Variants in PRELID2 observed in about 807,000 individuals in gnomAD.
PRELID2 encodes the protein PRELI domain-containing protein 2.
PRELID2 carries 25 observed loss-of-function variants against 28.4 expected under a neutral mutation model. The ratio of observed to expected loss-of-function variants is 0.88; its 90% CI spans 0.64 to 1.23. The LOEUF is 1.23. Ranked by LOEUF, PRELID2 falls within the 50% of genes most tolerant of loss-of-function variation. The probability of loss-of-function intolerance (pLI) is 0.00; values close to 1 mark genes in which losing one functional copy is unlikely to be tolerated. For missense variants in PRELID2, 201 were observed against 214.4 expected (o/e 0.94, Z 0.39); for synonymous variants, 76 against 71.6 (o/e 1.06, Z -0.31).
intron 1 of PRELID2, among the ~76,000 whole-genome samples, chr5:145,735,563 AAAG>A (rs1433008695): frequency 4.6e-5 from 7 of 152,186 alleles, no homozygotes; most frequent in Admixed American, 3.3e-4. Flanking sequence ...AAAGAAAAAG[AAAG>A]AAGTATAAAG....
At chr5:145,659,018 G>A (rs1331521025) in intron 1 of PRELID2, among the ~76,000 whole-genome samples, 4 of 152,188 alleles carry the variant, frequency 2.6e-5, no homozygotes. Flanking sequence ...AAGGCAGAAA[G>A]AGTTCAGCAC....
intron 1 of PRELID2, among the ~76,000 whole-genome samples, chr5:145,527,012 G>A (rs1380705988): frequency 1.3e-5 from 2 of 152,178 alleles, no homozygotes; most frequent in Non-Finnish European, 2.9e-5. Flanking sequence ...ACCAGATGGT[G>A]CAGCCAGGGC....
At chr5:145,752,458 A>T (rs1319563261), downstream of PRELID2, among the ~76,000 whole-genome samples, 1 of 152,184 alleles carries the variant, frequency 6.6e-6, no homozygotes, top group East Asian at 1.9e-4. Context: ...ATGTCCAATC[A>T]CCAAGAAACT....
At chr5:145,304,339 C>G in the PRELID2 span, among the ~76,000 whole-genome samples, 15 of 152,196 alleles carry the variant, frequency 9.9e-5, no homozygotes, top group South Asian at 3.1e-3. Context: ...GGTGAAATAA[C>G]TTTTCCAAAG....
intron 1 of PRELID2, among the ~76,000 whole-genome samples, chr5:145,707,285 T>C (rs1185621687): frequency 2.6e-5 from 4 of 152,194 alleles, no homozygotes; most frequent in Non-Finnish European, 2.9e-5. Context: ...TGATCGTGAC[T>C]GCACTCTCCC....
intron 5 of PRELID2, among the ~76,000 whole-genome samples, chr5:145,784,800 TA>T (rs1308172774): frequency 4.0e-3 from 380 of 95,468 alleles, no homozygotes; most frequent in Non-Finnish European, 5.5e-3. Flanking sequence ...TTTTTTTTTT[TA>T]AAAAAACATA....
intron 1 of PRELID2, among the ~76,000 whole-genome samples, chr5:145,497,448 A>C (rs773646588): frequency 1.3e-5 from 2 of 152,130 alleles, no homozygotes; most frequent in Non-Finnish European, 2.9e-5. Context: ...CCTTCCAATA[A>C]ACTTCTTGCA....
At chr5:145,276,258 C>T in the PRELID2 span, among the ~76,000 whole-genome samples, 24 of 152,132 alleles carry the variant, frequency 1.6e-4, no homozygotes, top group African/African-American at 5.5e-4. Flanking sequence ...TTCTAAGTAC[C>T]GCTGTGGTCT....
the PRELID2 span, among the ~76,000 whole-genome samples, chr5:145,431,438 T>C: frequency 0.015 from 2,251 of 152,258 alleles, 56 homozygotes; most frequent in African/African-American, 0.051. Context: ...TTTGAAAGTT[T>C]TTCCCCATCA....
chr5:145,470,468 A>T (rs1752043737), downstream of PRELID2, among the ~76,000 whole-genome samples: 1 of 82,722 alleles, frequency 1.2e-5, no homozygotes, highest in South Asian at 3.0e-4. Flanking sequence ...CCTGTCAGAC[A>T]CTAGTTAGGT....
In PRELID2 at chr5:145,729,307, G is replaced by A. The variant is rs146024989; in HGVS notation, n.70+35624C>T. 1,257 of 1,000,260 alleles carry A rather than the reference G, an allele frequency of 1.3e-3. 17 individuals carry two copies. The African/African-American group carries it at 0.019, about 15-fold the overall frequency. The allele number at this position is 1,000,260 out of a possible 1,614,324, so 62.0% of individuals were successfully genotyped here. On this transcript the variant is annotated intron_variant and non_coding_transcript_variant, in intron 1 of 2. Transcript: ENST00000510259. ...CACAACTCAAACAAATATTCCTTGG[G>A]GCCTTGAGTCCAAATTTCTTTACAT...
intron 1 of PRELID2, among the ~76,000 whole-genome samples, chr5:145,529,823 T>C (rs781656579): frequency 3.9e-5 from 6 of 152,324 alleles, no homozygotes; most frequent in Non-Finnish European, 8.8e-5. Context: ...CCCTGAAGTC[T>C]ATGTTAGTAT....
At chr5:145,677,900 T>C (rs1210606525) in intron 1 of PRELID2, among the ~76,000 whole-genome samples, 2 of 152,106 alleles carry the variant, frequency 1.3e-5, no homozygotes, top group Non-Finnish European at 2.9e-5. Flanking sequence ...GGGTGCATTT[T>C]ACAGAAAAGG....
chr5:145,829,490 TAGGTATATTAC>T (rs1755441384), intron 1 of PRELID2, among the ~76,000 whole-genome samples: 1 of 152,214 alleles, frequency 6.6e-6, no homozygotes, highest in African/African-American at 2.4e-5. Flanking sequence ...GAAATTAAGC[TAGGTATATTAC>T]ATATAACTGT....
intron 1 of PRELID2, among the ~76,000 whole-genome samples, chr5:145,581,673 G>A (rs1048730181): frequency 2.6e-5 from 4 of 152,020 alleles, no homozygotes; most frequent in Admixed American, 2.0e-4. Context: ...TGGCCTGCAT[G>A]GTACATGGCA....
chr5:145,646,087 A>C (rs1456927813), intron 1 of PRELID2, among the ~76,000 whole-genome samples: 6 of 152,202 alleles, frequency 3.9e-5, no homozygotes, highest in Admixed American at 3.3e-4. Context: ...CTGTCTTGCT[A>C]GGTTGGGGAA....
intron 1 of PRELID2, among the ~76,000 whole-genome samples, chr5:145,718,214 T>C (rs1755892907): frequency 6.6e-6 from 1 of 151,782 alleles, no homozygotes; most frequent in Non-Finnish European, 1.5e-5. Flanking sequence ...TTAGAAAAAA[T>C]AAGAGCTTAG....
intron 1 of PRELID2, among the ~76,000 whole-genome samples, chr5:145,701,706 A>T (rs949685875): frequency 6.6e-6 from 1 of 152,220 alleles, no homozygotes. Flanking sequence ...TGTGCATTTC[A>T]GCTTGTATCA....
At chr5:145,583,442 G>A (rs1042053586) in intron 1 of PRELID2, among the ~76,000 whole-genome samples, 9 of 152,148 alleles carry the variant, frequency 5.9e-5, no homozygotes, top group Middle Eastern at 3.4e-3. Flanking sequence ...TCTGGCCAGG[G>A]CAATTAGGCA....
Sources: gnomAD v4.1 joint callset for allele counts (sites outside exome capture counted in the v4.1 genomes callset) on GRCh38, gnomAD v4.1.1 for gene constraint, MANE v1.5 for transcripts, NCBI Gene and HGNC (gene_info 2026-07-23, HGNC 2026-07-21) for gene names.